Variants in COL4A6 observed in about 807,000 individuals in gnomAD.
COL4A6 encodes the protein collagen type IV alpha 6 chain.
COL4A6 carries 59 observed loss-of-function variants against 126.7 expected under a neutral mutation model. The ratio of observed to expected loss-of-function variants is 0.47; its 90% CI spans 0.38 to 0.58. The LOEUF (loss-of-function observed/expected upper bound fraction) is 0.58. COL4A6 is among the 20% of genes least tolerant of loss of function. The pLI, the probability that COL4A6 is intolerant of heterozygous loss-of-function variation, is 0.00. For synonymous variants in COL4A6, 547 were observed against 496.6 expected (o/e 1.10, Z -1.35); for missense variants, 1,285 against 1,337.3 (o/e 0.96, Z 0.61).
At chrX:108,390,561 T>G (rs2040813391) in intron 2 of COL4A6, among the ~76,000 whole-genome samples, 1 of 109,377 alleles carries the variant, frequency 9.1e-6, no homozygotes, top group South Asian at 4.0e-4. Context: ...AGTTCTCATG[T>G]TGTGTTTTTC....
intron 2 of COL4A6, among the ~76,000 whole-genome samples, chrX:108,327,038 C>T (rs2039172347): frequency 9.0e-6 from 1 of 111,018 alleles, no homozygotes; most frequent in Non-Finnish European, 1.9e-5. Flanking sequence ...TCGCATATCA[C>T]ATATCTCAGG....
chrX:108,419,956 G>C (rs758528727), intron 2 of COL4A6, among the ~76,000 whole-genome samples: 1 of 111,988 alleles, frequency 8.9e-6, no homozygotes, highest in Admixed American at 9.5e-5. Context: ...AAATTGACAA[G>C]TTCCTTGGTT....
At chrX:108,263,184 G>A (rs141894988) in intron 3 of COL4A6, among the ~76,000 whole-genome samples, 3,288 of 110,928 alleles carry the variant, frequency 0.03, 116 homozygotes, top group African/African-American at 0.1. Context: ...TATAGACAAA[G>A]AACAATAAAA....
chrX:108,253,860 T>G (rs761925403), intron 3 of COL4A6, among the ~76,000 whole-genome samples: 1 of 112,022 alleles, frequency 8.9e-6, no homozygotes, highest in Admixed American at 9.4e-5. Context: ...ATCTGTCAGA[T>G]AGCCCATTAC....
intron 12 of COL4A6, among the ~76,000 whole-genome samples, chrX:108,204,042 G>C (rs1602793452): frequency 9.0e-6 from 1 of 111,545 alleles, no homozygotes; most frequent in Non-Finnish European, 1.9e-5. Context: ...ATCAAAAATT[G>C]AATCTGCAAC....
intron 2 of COL4A6, among the ~76,000 whole-genome samples, chrX:108,319,893 A>G (rs2038983251): frequency 8.9e-6 from 1 of 111,828 alleles, no homozygotes; most frequent in Non-Finnish European, 1.9e-5. Context: ...GACACAGGAG[A>G]GAGATGGAAG....
intron 10 of COL4A6, 37 bp from the exon 11 acceptor site, chrX:108,205,517 G>T: frequency 1.7e-6 from 2 of 1,148,157 alleles, no homozygotes; most frequent in East Asian, 6.0e-5. Flanking sequence ...AAACAAAATC[G>T]ATTACTAAAT....
intron 37 of COL4A6, among the ~76,000 whole-genome samples, 171 bp from the exon 38 acceptor site, chrX:108,165,657 A>T (rs1037069331): frequency 5.4e-5 from 6 of 111,948 alleles, no homozygotes; most frequent in Non-Finnish European, 3.8e-5. Flanking sequence ...CTTCCCAGAA[A>T]GCAGACTAAC....
chrX:108,182,422 G>A (rs183039368), intron 23 of COL4A6, among the ~76,000 whole-genome samples: 72 of 112,485 alleles, frequency 6.4e-4, no homozygotes, highest in Admixed American at 2.4e-3. Context: ...CAGACTTCAG[G>A]TTTCTACAGT....
chrX:108,337,627 G>A (rs2039463940), intron 2 of COL4A6, among the ~76,000 whole-genome samples: 1 of 112,472 alleles, frequency 8.9e-6, no homozygotes, highest in Admixed American at 9.4e-5. Flanking sequence ...GTAATCTTGG[G>A]CAAGTTTTCT....
At chrX:108,189,140 A>G (rs1159806429) in intron 20 of COL4A6, among the ~76,000 whole-genome samples, 2 of 112,367 alleles carry the variant, frequency 1.8e-5, no homozygotes, top group Non-Finnish European at 3.8e-5. Context: ...CTAACTCCCT[A>G]TATCTTCCAT....
intron 3 of COL4A6, among the ~76,000 whole-genome samples, chrX:108,246,175 G>T: frequency 8.9e-6 from 1 of 111,875 alleles, no homozygotes; most frequent in East Asian, 2.8e-4. Flanking sequence ...CTTACTATCT[G>T]TGTGATCTTG....
At chrX:108,415,107 C>A (rs1406235620) in intron 2 of COL4A6, among the ~76,000 whole-genome samples, 4 of 111,214 alleles carry the variant, frequency 3.6e-5, no homozygotes, top group Admixed American at 9.6e-5. Flanking sequence ...TCCATACCCA[C>A]CATTCTCTAT....
At chrX:108,240,674 C>A (rs895792197) in intron 3 of COL4A6, among the ~76,000 whole-genome samples, 1 of 111,780 alleles carries the variant, frequency 8.9e-6, no homozygotes, top group Non-Finnish European at 1.9e-5. Flanking sequence ...AGTGCTCACT[C>A]AATATTGGTT....
intron 3 of COL4A6, among the ~76,000 whole-genome samples, chrX:108,258,298 C>G (rs751201676): frequency 4.2e-4 from 47 of 111,904 alleles, no homozygotes; most frequent in Admixed American, 3.4e-3. Context: ...TCTTTTCTGT[C>G]AAAGAAACCT....
chrX:108,402,361 CTTT>C (rs1423358277), intron 2 of COL4A6, among the ~76,000 whole-genome samples: 1 of 111,328 alleles, frequency 9.0e-6, no homozygotes, highest in Non-Finnish European at 1.9e-5. Context: ...GTTATATCTT[CTTT>C]TTAATAGCTG....
rs993758752 is a variant in COL4A6, at chrX:108,176,883, A to G, written c.2644T>C (p.Ser882Pro). 1 of 1,209,735 alleles carries G rather than the reference A, an allele frequency of 8.3e-7. No individual in the cohort carries two copies. The highest frequency in any genetic ancestry group is 1.1e-6 in the Non-Finnish European group (1 of 895,180). Residue 882 changes from serine to proline, a missense_variant, in exon 28 of 45, where the codon TCT (serine) becomes CCT (proline). Transcript: ENST00000334504. ...GCTGGCAACCCAGCGACCCCTGGAG[A>G]GCCTGGGCTTCCTTTCAGTCCTACT... ...GLVGLKGSPG[S>P]PGVAGLPALS...
rs2034272664 is a variant in COL4A6 at position 108,170,683 on chromosome X, G to T, written c.3419C>A (p.Pro1140Gln). ...FPGVAGMRGEPGLPGSSGHQG... is the reference protein window; with the variant it reads ...FPGVAGMRGEQGLPGSSGHQG... ...GTGACCAGAAGAACCTGGAAGTCCT[G>T]GTTCTCCTCTCATGCCGGCAACTCC... is the stretch of plus-strand genomic sequence containing the variant. Residue 1140 changes from proline (P) to glutamine (Q), a missense_variant, in exon 35 of 45, where the codon CCA becomes CAA. By Grantham distance (76) the Pro-to-Gln change is moderately conservative. Coordinates refer to ENST00000334504, the MANE Select transcript of COL4A6 (RefSeq NM_033641.4). 1 of 1,205,084 alleles carries T rather than the reference G, an allele frequency of 8.3e-7. No homozygotes were observed. The highest frequency in any genetic ancestry group is 2.3e-5 in the Admixed American group (1 of 44,406).
At chrX:108,404,874 G>C (rs889125333) in intron 2 of COL4A6, among the ~76,000 whole-genome samples, 2 of 111,942 alleles carry the variant, frequency 1.8e-5, no homozygotes, top group African/African-American at 6.5e-5. Context: ...TTCACCAAAA[G>C]TAGAGTTTGA....
Sources: allele counts gnomAD v4.1 joint callset (sites outside exome capture counted in the v4.1 genomes callset), GRCh38; gene constraint gnomAD v4.1.1; transcripts MANE v1.5; gene names NCBI Gene and HGNC (gene_info 2026-07-23, HGNC 2026-07-21).